CWF19L2: variants seen among roughly 807,000 people sequenced by gnomAD.
The protein encoded by CWF19L2 is CWF19 like cell cycle control factor 2.
In CWF19L2, 98 loss-of-function variants were observed where a neutral mutation model predicts 111.7. The ratio of observed to expected loss-of-function variants is 0.88; its 90% CI spans 0.75 to 1.04. The LOEUF is 1.04. Among genes scored for constraint, CWF19L2 ranks in the 50% least tolerant of loss-of-function variants. CWF19L2 has a pLI of 0.00. For synonymous variants in CWF19L2, 351 were observed against 342.9 expected (o/e 1.02, Z -0.26); for missense variants, 1,101 against 1,051.4 (o/e 1.05, Z -0.65).
intron 12 of CWF19L2, among the ~76,000 whole-genome samples, chr11:107,386,167 C>A (rs762894764): frequency 2.6e-5 from 4 of 152,150 alleles, no homozygotes; most frequent in Non-Finnish European, 5.9e-5. Context: ...ATAAGTACCA[C>A]CATACCCAGC....
chr11:107,428,597 C>T (rs1861413107), intron 8 of CWF19L2, among the ~76,000 whole-genome samples: 1 of 140,912 alleles, frequency 7.1e-6, no homozygotes, highest in Non-Finnish European at 1.6e-5. Context: ...CTGCTTTCAG[C>T]TCTTAAAAAA....
In CWF19L2 at chr11:107,439,115, G is replaced by T; in HGVS notation, c.639C>A (p.Asp213Glu). The change falls in exon 6 of 18, where the codon GAC becomes GAA. Residue 213 changes from aspartate (D) to glutamate (E), a missense_variant. Physicochemically the swap from Asp to Glu is conservative, Grantham distance 45 (BLOSUM62 2). Coordinates refer to ENST00000282251, the MANE Select transcript of CWF19L2 (RefSeq NM_152434.3). ...KDGGTGLPPE[D>E]CSVSSITKVS... is the part of the protein sequence containing the mutation. ...CTTTAGTAATCGATGACACACTACAGTCTTCAGGTGGAAGACCTGTCCCAC... is the reference window on the plus strand; with the variant it reads ...CTTTAGTAATCGATGACACACTACATTCTTCAGGTGGAAGACCTGTCCCAC... 1.3e-6 allele frequency: 2 copies of T among 1,585,962 alleles called. No homozygotes were observed. Among genetic ancestry groups the T allele is most frequent in the Admixed American group, 3.4e-5 (2 of 59,088 alleles).
chr11:107,345,778 C>T (rs190174748), intron 14 of CWF19L2, among the ~76,000 whole-genome samples: 18 of 151,972 alleles, frequency 1.2e-4, no homozygotes, highest in African/African-American at 2.2e-4. Flanking sequence ...ATAACAAATA[C>T]GCTATACAAA....
At chr11:107,362,507 TC>T (rs1399506165) in intron 12 of CWF19L2, among the ~76,000 whole-genome samples, 1 of 152,046 alleles carries the variant, frequency 6.6e-6, no homozygotes, top group Non-Finnish European at 1.5e-5. Flanking sequence ...CTCAAGTGGG[TC>T]CCTGACCCCT....
chr11:107,385,716 T>C (rs1385545534), intron 12 of CWF19L2, among the ~76,000 whole-genome samples: 2 of 152,258 alleles, frequency 1.3e-5, no homozygotes, highest in South Asian at 2.1e-4. Flanking sequence ...TTAGATTGTA[T>C]GGCATTCTGA....
intron 10 of CWF19L2, 26 bp downstream of exon 10, chr11:107,416,183 A>C: frequency 1.2e-6 from 1 of 807,420 alleles, no homozygotes; most frequent in Non-Finnish European, 1.8e-6. Context: ...CAAGGTAATT[A>C]CATTCTCCAA....
At chr11:107,414,041 T>G (rs1167116331) in intron 10 of CWF19L2, among the ~76,000 whole-genome samples, 1 of 152,180 alleles carries the variant, frequency 6.6e-6, no homozygotes, top group Non-Finnish European at 1.5e-5. Flanking sequence ...TTACCAGTTG[T>G]ATACCTGGAC....
At chr11:107,424,653 T>C (rs1233976704) in intron 8 of CWF19L2, among the ~76,000 whole-genome samples, 1 of 151,870 alleles carries the variant, frequency 6.6e-6, no homozygotes, top group African/African-American at 2.4e-5. Context: ...AGAATCTCAA[T>C]AGATCTTTAA....
rs780490726 is a variant in CWF19L2 at position 107,429,150 on chromosome 11, A to G, written c.1082T>C (p.Phe361Ser). 3.1e-6 allele frequency: 5 copies of G among 1,613,828 alleles called. No homozygotes were observed. Among genetic ancestry groups the G allele is most frequent in the African/African-American group, 1.3e-5 (1 of 75,028 alleles). Reference sequence around the variant, plus strand: ...CAAGAATTTAGCTCTCAAATTGCCAAAAGAAAACTCTTGATTTTGCCTTGG... The same window carrying G: ...CAAGAATTTAGCTCTCAAATTGCCAGAAGAAAACTCTTGATTTTGCCTTGG... ...SNPRQNQEFS[F>S]GNLRAKFLRP... Residue 361 changes from phenylalanine to serine, a missense_variant, in exon 8 of 18, where the codon TTT becomes TCT. By Grantham distance (155) the Phe-to-Ser change is radical. Transcript: ENST00000282251.
At chr11:107,391,552 A>C (rs2134595602) in intron 11 of CWF19L2, among the ~76,000 whole-genome samples, 1 of 152,350 alleles carries the variant, frequency 6.6e-6, no homozygotes, top group East Asian at 1.9e-4. Flanking sequence ...CTTTATCAAA[A>C]GCAAAGCTGA....
chr11:107,417,580 T>A (rs190858181), intron 9 of CWF19L2, among the ~76,000 whole-genome samples: 3 of 152,302 alleles, frequency 2.0e-5, no homozygotes, highest in Admixed American at 6.5e-5. Flanking sequence ...AAAAGTGACA[T>A]CTTTATCTCC....
chr11:107,403,420 T>C, intron 10 of CWF19L2: 3 of 756,844 alleles, frequency 4.0e-6, no homozygotes, highest in African/African-American at 3.4e-5. Context: ...TCTCATCTTC[T>C]GGTAGGGGAT....
At chr11:107,394,666 T>C (rs528442986) in intron 10 of CWF19L2, among the ~76,000 whole-genome samples, 162 of 152,258 alleles carry the variant, frequency 1.1e-3, no homozygotes, top group African/African-American at 3.7e-3. Context: ...ACCTGCCTTG[T>C]ATAAGCTTAT....
At chr11:107,423,719 A>T (rs1480931725) in intron 8 of CWF19L2, among the ~76,000 whole-genome samples, 2 of 151,958 alleles carry the variant, frequency 1.3e-5, no homozygotes, top group African/African-American at 2.4e-5. Flanking sequence ...GATGTAGAAC[A>T]AGTCCACACA....
intron 12 of CWF19L2, among the ~76,000 whole-genome samples, chr11:107,368,591 T>C (rs999913092): frequency 2.2e-5 from 3 of 137,846 alleles, no homozygotes; most frequent in Non-Finnish European, 4.7e-5. Flanking sequence ...GACTGACAGC[T>C]GATGATGTGT....
intron 11 of CWF19L2, 75 bp downstream of exon 11, chr11:107,392,704 T>A (rs1591180387): frequency 2.4e-6 from 2 of 817,566 alleles, no homozygotes; most frequent in East Asian, 5.9e-5. Context: ...AAATATTTTA[T>A]AATCTGATAC....
intron 16 of CWF19L2, among the ~76,000 whole-genome samples, chr11:107,330,647 C>CAG (rs1859834669): frequency 2.0e-4 from 5 of 24,710 alleles, no homozygotes; most frequent in African/African-American, 7.3e-4. Context: ...CCCCCCACCA[C>CAG]ACACACACAC....
intron 16 of CWF19L2, among the ~76,000 whole-genome samples, chr11:107,330,689 C>CACACACACACACACAT (rs58207804): frequency 1.4e-5 from 2 of 141,634 alleles, no homozygotes; most frequent in African/African-American, 2.7e-5. Context: ...CACACACACA[C>CACACACACACACACAT]TTTAAACTAT....
Position 107,429,047 on chromosome 11 carries a change from CA to C in CWF19L2, c.1184del (p.Leu395TrpfsTer2). The C allele has an allele frequency of 6.2e-7, 1 of 1,613,754 alleles. No homozygotes were observed. Among genetic ancestry groups the C allele is most frequent in the Non-Finnish European group, 8.5e-7 (1 of 1,179,792 alleles). ...KFEPLSSSSA[L>X]VAQGSLCSGF... ...CACTACACAAAGAGCCCTGAGCTAC[CA>C]ATGCTGAAGATGAACTAAGTGGTTC... On this transcript the variant is annotated frameshift_variant, in exon 8 of 18. Coordinates refer to ENST00000282251, the MANE Select transcript of CWF19L2 (RefSeq NM_152434.3). LOFTEE classifies it high-confidence loss of function.
Sources: allele counts gnomAD v4.1 joint callset (sites outside exome capture counted in the v4.1 genomes callset), GRCh38; gene constraint gnomAD v4.1.1; transcripts MANE v1.5; gene names NCBI Gene and HGNC (gene_info 2026-07-23, HGNC 2026-07-21).